The following RBPMS variants were observed in gnomAD, a reference collection of about 807,000 sequenced individuals.
RBPMS encodes the protein RNA-binding protein with multiple splicing.
A neutral mutation model predicts 26.8 loss-of-function variants in RBPMS; 7 were observed. The observed-to-expected ratio is 0.26, with a 90% confidence interval of 0.15 to 0.49. The LOEUF is 0.49. Among genes scored for constraint, RBPMS ranks in the 20% least tolerant of loss-of-function variants. The pLI, the probability that RBPMS is intolerant of heterozygous loss-of-function variation, is 0.98. For synonymous variants in RBPMS, 96 were observed against 93.3 expected, an observed-to-expected ratio of 1.03 and a Z score of -0.17; for missense variants, 186 against 250.0, an observed-to-expected ratio of 0.74 and a Z score of 1.73.
intron 1 of RBPMS, chr8:30,444,938 T>C (rs1813564201): frequency 6.6e-6 from 1 of 152,252 alleles, no homozygotes; most frequent in Admixed American, 6.5e-5. Context: ...TTGCTGCCAA[T>C]GGATTATTTC....
chr8:30,547,681 G>C (rs978011675), intron 6 of RBPMS, among the ~76,000 whole-genome samples: 1 of 152,184 alleles, frequency 6.6e-6, no homozygotes, highest in Non-Finnish European at 1.5e-5. Context: ...TCCTGGAGCC[G>C]AGGCCACACT....
chr8:30,565,842 C>T (rs1563459504), intron 7 of RBPMS: 1 of 152,516 alleles, frequency 6.6e-6, no homozygotes, highest in Admixed American at 6.5e-5. Flanking sequence ...CCATGCCTTT[C>T]CTCTGCAGGG....
At chr8:30,414,789 C>T (rs1228019039) in intron 1 of RBPMS, among the ~76,000 whole-genome samples, 2 of 152,070 alleles carry the variant, frequency 1.3e-5, no homozygotes, top group Non-Finnish European at 2.9e-5. Context: ...CACTATTTTT[C>T]CCAGCACTGA....
intron 1 of RBPMS, among the ~76,000 whole-genome samples, chr8:30,437,219 C>T (rs1183825091): frequency 6.6e-6 from 1 of 151,824 alleles, no homozygotes; most frequent in African/African-American, 2.4e-5. Context: ...CCGCGCCCAG[C>T]CGATATATGT....
At chr8:30,552,581 G>A (rs995710544) in intron 6 of RBPMS, 2 of 152,226 alleles carry the variant, frequency 1.3e-5, no homozygotes, top group Non-Finnish European at 2.9e-5. Flanking sequence ...AGCAAACATA[G>A]TTAAAAATTA....
intron 5 of RBPMS, among the ~76,000 whole-genome samples, chr8:30,513,119 G>A (rs909001846): frequency 1.3e-5 from 2 of 152,022 alleles, no homozygotes; most frequent in Non-Finnish European, 2.9e-5. Context: ...GTGAAGAACA[G>A]GTTGTGGGGA....
intron 1 of RBPMS, among the ~76,000 whole-genome samples, chr8:30,455,500 T>C (rs190833027): frequency 8.0e-4 from 121 of 152,154 alleles, no homozygotes; most frequent in African/African-American, 2.8e-3. Context: ...AGAAAAAGAA[T>C]TGGGGCAGTG....
intron 6 of RBPMS, chr8:30,547,530 C>A: frequency 6.8e-7 from 1 of 1,479,430 alleles, no homozygotes; most frequent in Non-Finnish European, 9.0e-7. Context: ...CTCAAGTAGA[C>A]TGCAGCGTTT....
chr8:30,444,694 A>G (rs1813523875), intron 1 of RBPMS: 1 of 152,268 alleles, frequency 6.6e-6, no homozygotes, highest in Admixed American at 6.5e-5. Context: ...TTCCCATGGT[A>G]AAAGAACAAG....
intron 6 of RBPMS, 161 bp downstream of exon 6, chr8:30,544,785 C>G: frequency 6.3e-7 from 1 of 1,586,216 alleles, no homozygotes; most frequent in Non-Finnish European, 8.5e-7. Context: ...TCCTTCAGGA[C>G]TGACGAGGAT....
chr8:30,514,399 A>C (rs902058502), intron 5 of RBPMS, among the ~76,000 whole-genome samples: 1 of 152,108 alleles, frequency 6.6e-6, no homozygotes, highest in Non-Finnish European at 1.5e-5. Context: ...TTCTTGAAAA[A>C]TTGTGAGATG....
At chr8:30,510,228 T>A (rs1395189564) in intron 5 of RBPMS, among the ~76,000 whole-genome samples, 4 of 152,216 alleles carry the variant, frequency 2.6e-5, no homozygotes, top group Non-Finnish European at 5.9e-5. Flanking sequence ...CTCTTAACTC[T>A]GATGTCTCGA....
chr8:30,555,120 C>T (rs1330946354), intron 6 of RBPMS, among the ~76,000 whole-genome samples: 1 of 152,080 alleles, frequency 6.6e-6, no homozygotes, highest in Non-Finnish European at 1.5e-5. Flanking sequence ...GGGTGGGTAC[C>T]GCTTTCTCTA....
intron 1 of RBPMS, among the ~76,000 whole-genome samples, chr8:30,427,695 G>A (rs775086836): frequency 8.5e-5 from 13 of 152,172 alleles, no homozygotes; most frequent in Non-Finnish European, 1.0e-4. Context: ...AATCGTCTTT[G>A]ATCATGCAGC....
intron 6 of RBPMS, chr8:30,558,342 T>C (rs1585883350): frequency 6.0e-6 from 1 of 167,374 alleles, no homozygotes; most frequent in African/African-American, 2.4e-5. Context: ...ATCTCCTCAG[T>C]AGGGTGAACA....
chr8:30,528,472 T>TG (rs1823846249), intron 5 of RBPMS, among the ~76,000 whole-genome samples: 1 of 152,104 alleles, frequency 6.6e-6, no homozygotes, highest in Non-Finnish European at 1.5e-5. Flanking sequence ...GTGACCATGG[T>TG]GGGTCATTAG....
chr8:30,561,935 T>C, intron 7 of RBPMS: 6 of 985,374 alleles, frequency 6.1e-6, no homozygotes, highest in Non-Finnish European at 7.2e-6. Context: ...TCCAAATCAT[T>C]TCTCACAGAC....
chr8:30,549,460 G>A, intron 6 of RBPMS: 1 of 1,525,542 alleles, frequency 6.6e-7, no homozygotes, highest in Non-Finnish European at 9.1e-7. Context: ...AAATGAAATT[G>A]TTAATCCTCT....
At chr8:30,456,719 A>G (rs1255586375) in intron 1 of RBPMS, among the ~76,000 whole-genome samples, 1 of 152,188 alleles carries the variant, frequency 6.6e-6, no homozygotes, top group African/African-American at 2.4e-5. Flanking sequence ...CAGGAGTTTA[A>G]GACCAGCCTG....
Sources: gnomAD v4.1 joint callset for allele counts (sites outside exome capture counted in the v4.1 genomes callset) on GRCh38, gnomAD v4.1.1 for gene constraint, MANE v1.5 for transcripts, NCBI Gene and HGNC (gene_info 2026-07-23, HGNC 2026-07-21) for gene names.